NLGN4X: variants seen among roughly 807,000 people sequenced by gnomAD.
NLGN4X encodes neuroligin-4, X-linked.
Under a neutral mutation model 40.3 loss-of-function variants are expected in NLGN4X, and 3 were observed. The ratio of observed to expected loss-of-function variants is 0.07; its 90% CI spans 0.03 to 0.19. The LOEUF is 0.19. Ranked by LOEUF, NLGN4X falls within the 10% of genes least tolerant of loss-of-function variation. The probability of loss-of-function intolerance (pLI) is 1.00; values close to 1 mark genes in which losing one functional copy is unlikely to be tolerated. For missense variants in NLGN4X, 382 were observed against 708.3 expected, an observed-to-expected ratio of 0.54 and a Z score of 5.23; for synonymous variants, 270 against 306.8, an observed-to-expected ratio of 0.88 and a Z score of 1.25.
chrX:5,978,058 G>A (rs2035229388), intron 3 of NLGN4X, among the ~76,000 whole-genome samples: 1 of 112,000 alleles, frequency 8.9e-6, no homozygotes, highest in African/African-American at 3.2e-5. Context: ...GGACGGAATT[G>A]GATGGAATTG....
chrX:6,168,520 T>C (rs1358627544), intron 1 of NLGN4X, among the ~76,000 whole-genome samples: 2 of 112,701 alleles, frequency 1.8e-5, no homozygotes, highest in African/African-American at 6.4e-5. Context: ...GGTTTCACTA[T>C]GTATTAACAC....
intron 3 of NLGN4X, among the ~76,000 whole-genome samples, chrX:5,993,550 A>G (rs1427274490): frequency 8.9e-6 from 1 of 111,912 alleles, no homozygotes; most frequent in Non-Finnish European, 1.9e-5. Flanking sequence ...ACAACTGCCC[A>G]TGACTGAGAG....
chrX:6,113,694 CA>C lies in NLGN4X; in HGVS notation c.472+37300del, dbSNP rs749113403. ...AATCCAGGTGGGAACGTGCTTGTTT[CA>C]AAAAAAAAAAAAAATGCACGATACA... On this transcript the variant is annotated intron_variant, in intron 2 of 5. Transcript: ENST00000381095. 6.5e-3 allele frequency among the ~76,000 whole-genome samples: 596 copies of C among 91,621 alleles called. 3 individuals carry two copies. Among genetic ancestry groups the C allele is most frequent in the African/African-American group, 0.018 (457 of 25,349 alleles). 79.6% of individuals were successfully genotyped at this position (91,621 alleles called of 115,157 possible).
intron 3 of NLGN4X, among the ~76,000 whole-genome samples, chrX:5,941,060 C>T (rs1456017819): frequency 5.7e-5 from 6 of 105,494 alleles, no homozygotes; most frequent in Middle Eastern, 4.9e-3. Context: ...TTCAGGAGGT[C>T]GAGGCTGCAG....
chrX:5,949,660 C>G (rs1601937567), intron 3 of NLGN4X, among the ~76,000 whole-genome samples: 1 of 111,887 alleles, frequency 8.9e-6, no homozygotes, highest in Non-Finnish European at 1.9e-5. Context: ...GATGAAAACT[C>G]GCATTATTTA....
intron 3 of NLGN4X, among the ~76,000 whole-genome samples, chrX:6,025,623 G>C (rs1359592080): frequency 9.0e-6 from 1 of 111,537 alleles, no homozygotes; most frequent in Non-Finnish European, 1.9e-5. Context: ...TTATTTTTTG[G>C]CCAGGCACAG....
chrX:6,133,819 G>C (rs73444279), intron 2 of NLGN4X, among the ~76,000 whole-genome samples: 13,838 of 111,312 alleles, frequency 0.12, 662 homozygotes, highest in Admixed American at 0.16. Flanking sequence ...GCGACTTCAT[G>C]AAGTTGGTCC....
intron 3 of NLGN4X, among the ~76,000 whole-genome samples, chrX:6,006,656 C>T (rs17220908): frequency 0.043 from 4,771 of 111,579 alleles, 125 homozygotes; most frequent in Non-Finnish European, 0.063. Context: ...TGGGACTTAT[C>T]TGTGGTCTTG....
chrX:6,022,208 C>T (rs1216450634), intron 3 of NLGN4X, among the ~76,000 whole-genome samples: 1 of 111,607 alleles, frequency 9.0e-6, no homozygotes, highest in Non-Finnish European at 1.9e-5. Context: ...GAAATCAAAT[C>T]GGGGGAATCT....
At chrX:6,122,176 G>A (rs775244520) in intron 2 of NLGN4X, among the ~76,000 whole-genome samples, 85 of 111,781 alleles carry the variant, frequency 7.6e-4, no homozygotes, top group Non-Finnish European at 1.5e-3. Flanking sequence ...CTTCACAGAG[G>A]GACCCTCTTT....
chrX:6,072,389 C>T (rs2038086508), intron 2 of NLGN4X, among the ~76,000 whole-genome samples: 1 of 110,683 alleles, frequency 9.0e-6, no homozygotes, highest in East Asian at 2.8e-4. Context: ...TCAAAGTGTA[C>T]GTGATAGAAC....
chrX:6,112,560 C>T (rs1476003450), intron 2 of NLGN4X, among the ~76,000 whole-genome samples: 2 of 106,363 alleles, frequency 1.9e-5, no homozygotes, highest in Non-Finnish European at 3.8e-5. Flanking sequence ...TTATAGTCCC[C>T]GCTTTCTTTT....
intron 1 of NLGN4X, among the ~76,000 whole-genome samples, chrX:6,156,718 G>A (rs918025654): frequency 1.8e-5 from 2 of 110,090 alleles, no homozygotes; most frequent in African/African-American, 6.6e-5. Context: ...GCAGGGAGAG[G>A]GAGGGGGAAA....
chrX:5,953,325 A>G (rs781132985), intron 3 of NLGN4X, among the ~76,000 whole-genome samples: 1 of 111,353 alleles, frequency 9.0e-6, no homozygotes, highest in African/African-American at 3.3e-5. Context: ...GCAGTGAGCT[A>G]TCATCACAAA....
chrX:6,104,862 A>T (rs1455810287), intron 2 of NLGN4X, among the ~76,000 whole-genome samples: 1 of 110,592 alleles, frequency 9.0e-6, no homozygotes, highest in Non-Finnish European at 1.9e-5. Flanking sequence ...GGAAAACAGA[A>T]CCTCACACCC....
chrX:6,069,012 G>A (rs1313814828), intron 2 of NLGN4X, among the ~76,000 whole-genome samples: 2 of 112,128 alleles, frequency 1.8e-5, no homozygotes, highest in African/African-American at 6.5e-5. Flanking sequence ...AAGTGGGGCC[G>A]GGTACGGTGG....
rs373672981 is a variant in NLGN4X at position 6,105,066 on chromosome X, C to CTT, written c.472+45927_472+45928dup. Among the ~76,000 whole-genome samples, 37 of 103,920 alleles carry CTT rather than the reference C, an allele frequency of 3.6e-4. No homozygotes were observed. The South Asian group carries it at 6.5e-3, about 18-fold the overall frequency. The allele number at this position is 103,920 out of a possible 115,157, so 90.2% of individuals were successfully genotyped here. On this transcript the variant is annotated intron_variant, in intron 2 of 5. Transcript: ENST00000381095. ...TACAAACGTGAAAGTGTATTATCTCCTTTTTTTTTTTTGAGATGGAGTCCC... is the reference window on the plus strand; with the variant it reads ...TACAAACGTGAAAGTGTATTATCTCCTTTTTTTTTTTTTTGAGATGGAGTCCC...
chrX:6,195,835 C>A (rs1922989276), intron 1 of NLGN4X, among the ~76,000 whole-genome samples: 2 of 110,849 alleles, frequency 1.8e-5, no homozygotes, highest in Admixed American at 1.9e-4. Context: ...TTTACCCAGG[C>A]TGGAATTCAA....
intron 2 of NLGN4X, among the ~76,000 whole-genome samples, chrX:6,121,748 C>A (rs1263075504): frequency 1.8e-5 from 2 of 112,473 alleles, no homozygotes; most frequent in Non-Finnish European, 3.7e-5. Flanking sequence ...AGTCGCCATA[C>A]AAAATGGGAA....
Sources: allele counts gnomAD v4.1 joint callset (sites outside exome capture counted in the v4.1 genomes callset), GRCh38; gene constraint gnomAD v4.1.1; transcripts MANE v1.5; gene names NCBI Gene and HGNC (gene_info 2026-07-23, HGNC 2026-07-21).